Variants in GARNL3 observed in about 807,000 individuals in gnomAD.
GARNL3 encodes the protein GTPase activating Rap/RanGAP domain like 3.
A neutral mutation model predicts 125.0 loss-of-function variants in GARNL3; 63 were observed. That is an observed-to-expected ratio of 0.50 (90% CI 0.41 to 0.62). The LOEUF (loss-of-function observed/expected upper bound fraction) is 0.62. Among genes scored for constraint, GARNL3 ranks in the 20% least tolerant of loss-of-function variants. The pLI is 0.00. For missense variants in GARNL3, 994 were observed against 1,244.0 expected (o/e 0.80, Z 3.02); for synonymous variants, 439 against 457.5 (o/e 0.96, Z 0.52).
intron 22 of GARNL3, among the ~76,000 whole-genome samples, chr9:127,378,748 A>G (rs939877600): frequency 6.6e-6 from 1 of 152,074 alleles, no homozygotes; most frequent in African/African-American, 2.4e-5. Flanking sequence ...TTGAGCAGTG[A>G]TTTTTATATA....
chr9:127,386,267 T>G (rs1832537752), intron 24 of GARNL3, among the ~76,000 whole-genome samples: 1 of 152,240 alleles, frequency 6.6e-6, no homozygotes, highest in African/African-American at 2.4e-5. Flanking sequence ...CAACTCATAG[T>G]CATTAAACTG....
At chr9:127,275,201 C>G (rs188162875) in intron 1 of GARNL3, among the ~76,000 whole-genome samples, 3 of 152,242 alleles carry the variant, frequency 2.0e-5, no homozygotes, top group Non-Finnish European at 2.9e-5. Flanking sequence ...CAGGCCTTCC[C>G]TCAAAACTGT....
At position 127,390,671 on chromosome 9, in the gene GARNL3, A is replaced by T; in HGVS notation, c.2774A>T (p.Glu925Val). ...TCGGATGAAGGTGGACCCAAGTCAG[A>T]AGGAGCGCCAAAGGCCAAATCAAAA... ...GLSDEGGPKS[E>V]GAPKAKSKPR... The change falls in exon 27 of 28, where the codon GAA becomes GTA. Residue 925 changes from glutamate (E) to valine (V), a missense_variant. Physicochemically the swap from Glu to Val is moderately radical, Grantham distance 121. Transcript: ENST00000373387. The T allele has an allele frequency of 6.2e-7, 1 of 1,613,962 alleles. No homozygotes were observed. The highest frequency in any genetic ancestry group is 8.5e-7 in the Non-Finnish European group (1 of 1,179,880).
rs972735233 is a variant in GARNL3 at position 127,384,421 on chromosome 9, A to G, written c.2270-606A>G. 6.6e-6 allele frequency among the ~76,000 whole-genome samples: 1 copy of G among 152,202 alleles called. No homozygotes were observed. The highest frequency in any genetic ancestry group is 6.5e-5 in the Admixed American group (1 of 15,282). ...GTGCCCCAGGGCAGCCAGGGCAGGC[A>G]CAGTGCCTGGAAGCCAGTGTGTCAT... is the stretch of plus-strand genomic sequence containing the variant. On this transcript the variant is annotated intron_variant, in intron 23 of 27. Transcript: ENST00000373387. This position sits in a 1 kb window ranked among gnomAD's most constrained non-coding sequence, Gnocchi z 4.0.
At chr9:127,355,586 C>T (rs1830646435) in intron 20 of GARNL3, 114 bp downstream of exon 20, 1 of 901,438 alleles carries the variant, frequency 1.1e-6, no homozygotes. Flanking sequence ...TAGTAGCCAA[C>T]TAGGGAAACC....
At chr9:127,227,226 T>A (rs567530139) in intron 1 of GARNL3, among the ~76,000 whole-genome samples, 1 of 152,344 alleles carries the variant, frequency 6.6e-6, no homozygotes, top group African/African-American at 2.4e-5. Flanking sequence ...CTCCAGAGTT[T>A]TCTTATTCTC....
At chr9:127,263,624 TA>T (rs2063639181), upstream of GARNL3, 2 of 961,470 alleles carry the variant, frequency 2.1e-6, no homozygotes, top group African/African-American at 3.5e-5. Flanking sequence ...GGAAGGTTTT[TA>T]TTCTTTTTTG....
intron 23 of GARNL3, 138 bp downstream of exon 23, chr9:127,383,683 G>GTTCTTT (rs750541197): frequency 3.7e-6 from 2 of 546,278 alleles, no homozygotes; most frequent in Non-Finnish European, 3.2e-6. Context: ...TATTCACAGC[G>GTTCTTT]TTCTTTTTCT....
At chr9:127,328,056 T>A (rs1322979596) in intron 7 of GARNL3, among the ~76,000 whole-genome samples, 1 of 152,154 alleles carries the variant, frequency 6.6e-6, no homozygotes, top group Non-Finnish European at 1.5e-5. Flanking sequence ...TGATGGGAAA[T>A]GTGAACACTT....
chr9:127,283,974 C>A (rs1436606722), intron 1 of GARNL3, among the ~76,000 whole-genome samples: 1 of 152,104 alleles, frequency 6.6e-6, no homozygotes, highest in Non-Finnish European at 1.5e-5. Context: ...ATGTTAATAC[C>A]CTTTTCCTAA....
chr9:127,330,133 C>A (rs1486887610), intron 7 of GARNL3, among the ~76,000 whole-genome samples: 2 of 152,246 alleles, frequency 1.3e-5, no homozygotes, highest in East Asian at 3.8e-4. Flanking sequence ...CAGCAATCTT[C>A]AGTTTAACAA....
chr9:127,261,002 T>G (rs1359907136), upstream of GARNL3, among the ~76,000 whole-genome samples: 2 of 152,186 alleles, frequency 1.3e-5, no homozygotes, highest in Non-Finnish European at 2.9e-5. Context: ...ACGCCCGTAA[T>G]TCCAGCACTT....
chr9:127,344,333 A>G lies in GARNL3; in HGVS notation c.1350A>G (p.Ile450Met). Residue 450 changes from isoleucine (I) to methionine (M), a missense_variant, in exon 15 of 28, where the codon ATA becomes ATG. This residue lies in a region of GARNL3 where 728 missense variants were observed against 865.7 expected (regional missense o/e 0.84). Transcript: ENST00000373387. ...EEARQAEFVR[I>M]GQALKLKSIV... ...CCCGCCAGGCGGAGTTTGTTAGAAT[A>G]GGGCAGGTGGGTTTTCTTCTGAAAC... 4 of 1,610,886 alleles carry G rather than the reference A, an allele frequency of 2.5e-6. No individual in the cohort carries two copies. Among genetic ancestry groups the G allele is most frequent in the Non-Finnish European group, 3.4e-6 (4 of 1,177,030 alleles).
At chr9:127,330,308 G>T (rs192479340) in intron 7 of GARNL3, among the ~76,000 whole-genome samples, 4 of 152,272 alleles carry the variant, frequency 2.6e-5, no homozygotes, top group Admixed American at 2.0e-4. Flanking sequence ...AACAGAGAAA[G>T]AAAAGTTATA....
chr9:127,264,699 AT>A (rs2131263748), upstream of GARNL3: 1 of 1,228,282 alleles, frequency 8.1e-7, no homozygotes, highest in Non-Finnish European at 1.0e-6. Flanking sequence ...ATGACTAAAT[AT>A]TTAATTGAAT....
rs1023316063 is a variant in GARNL3, at chr9:127,345,304, A to G, written c.1357-99A>G. ...GAGGAACCCGAAATGTTAGCCTGCA[A>G]TTACTCCTGTTTTATTAAATTTTTG... On this transcript the variant is annotated intron_variant, in intron 15 of 27. Transcript: ENST00000373387. 2.0e-5 allele frequency: 13 copies of G among 643,118 alleles called. No individual in the cohort carries two copies. In the East Asian group the frequency reaches 2.7e-4, roughly 13 times the overall value. The allele number at this position is 643,118 out of a possible 1,614,324, so 39.8% of individuals were successfully genotyped here. A position where few individuals can be genotyped will look rare whatever the true frequency, so the allele number is the denominator to read the frequency against.
intron 6 of GARNL3, among the ~76,000 whole-genome samples, 160 bp downstream of exon 6, chr9:127,320,938 T>C (rs578085318): frequency 6.4e-4 from 98 of 152,264 alleles, no homozygotes; most frequent in African/African-American, 2.2e-3. Context: ...AAGGTTCTGA[T>C]TTGATGGGTC....
chr9:127,353,242 A>G (rs1189506744), intron 17 of GARNL3, among the ~76,000 whole-genome samples: 1 of 152,110 alleles, frequency 6.6e-6, no homozygotes, highest in African/African-American at 2.4e-5. Context: ...CTCTTTATTT[A>G]TGTTTTTGTC....
chr9:127,346,207 T>C (rs1374190815), intron 16 of GARNL3, among the ~76,000 whole-genome samples: 2 of 152,228 alleles, frequency 1.3e-5, no homozygotes, highest in African/African-American at 4.8e-5. Context: ...TTTTGTATTG[T>C]AGAACAGTAC....
Sources: gnomAD v4.1 joint callset for allele counts (sites outside exome capture counted in the v4.1 genomes callset) on GRCh38, gnomAD v4.1.1 for gene constraint, gnomAD v4.1.1 regional missense constraint, Gnocchi (gnomAD v3.1) non-coding constraint, MANE v1.5 for transcripts, NCBI Gene and HGNC (gene_info 2026-07-23, HGNC 2026-07-21) for gene names.